Variants in TNKS observed in about 807,000 individuals in gnomAD.
TNKS encodes tankyrase.
Under a neutral mutation model 135.8 loss-of-function variants are expected in TNKS, and 72 were observed. The ratio of observed to expected loss-of-function variants is 0.53; its 90% CI spans 0.44 to 0.64. The LOEUF (loss-of-function observed/expected upper bound fraction) is 0.64. TNKS is among the 30% of genes least tolerant of loss of function. The probability of loss-of-function intolerance (pLI) is 0.00; values close to 1 mark genes in which losing one functional copy is unlikely to be tolerated. For synonymous variants in TNKS, 849 were observed against 649.3 expected (o/e 1.31, Z -4.68); for missense variants, 1,769 against 1,674.0 (o/e 1.06, Z -0.99).
At chr8:9,657,763 C>T (rs1801473787) in intron 3 of TNKS, among the ~76,000 whole-genome samples, 1 of 146,236 alleles carries the variant, frequency 6.8e-6, no homozygotes, top group African/African-American at 2.5e-5. Context: ...GACGGGGCGG[C>T]TGGCCGGGCA....
chr8:9,557,183 G>A (rs1000239454), intron 1 of TNKS: 1 of 154,178 alleles, frequency 6.5e-6, no homozygotes, highest in Non-Finnish European at 1.4e-5. Context: ...AGAATATTTG[G>A]ATGCATTATA....
intron 20 of TNKS, among the ~76,000 whole-genome samples, chr8:9,753,771 G>A (rs193049011): frequency 1.2e-4 from 19 of 152,308 alleles, no homozygotes; most frequent in Admixed American, 3.3e-4. Context: ...TGGGACAGGT[G>A]TAATAGAATG....
At chr8:9,584,091 G>GA (rs1327591842) in intron 2 of TNKS, among the ~76,000 whole-genome samples, 3 of 150,606 alleles carry the variant, frequency 2.0e-5, no homozygotes, top group Middle Eastern at 3.4e-3. Flanking sequence ...GTGAACCCGG[G>GA]ATGGGGAGCT....
chr8:9,751,060 G>C (rs377613898), intron 18 of TNKS, among the ~76,000 whole-genome samples: 13 of 132,794 alleles, frequency 9.8e-5, no homozygotes, highest in African/African-American at 3.5e-4. Context: ...AACCACATTC[G>C]GCGGGTAGGG....
At chr8:9,645,984 T>C (rs1800905291) in intron 3 of TNKS, among the ~76,000 whole-genome samples, 1 of 152,190 alleles carries the variant, frequency 6.6e-6, no homozygotes, top group Non-Finnish European at 1.5e-5. Flanking sequence ...TGCCCTACCC[T>C]CAACCCTTCT....
chr8:9,727,434 T>G (rs1000591001), intron 13 of TNKS, among the ~76,000 whole-genome samples: 1 of 152,184 alleles, frequency 6.6e-6, no homozygotes, highest in Non-Finnish European at 1.5e-5. Flanking sequence ...TTGGGGTTTG[T>G]TTTTTGTTGT....
chr8:9,700,668 A>C (rs139687341), intron 5 of TNKS, among the ~76,000 whole-genome samples: 2 of 149,932 alleles, frequency 1.3e-5, no homozygotes, highest in Non-Finnish European at 3.0e-5. Context: ...AAACTACTCT[A>C]TCTCTCACTA....
At chr8:9,679,239 T>C (rs1381809774) in intron 3 of TNKS, among the ~76,000 whole-genome samples, 3 of 152,226 alleles carry the variant, frequency 2.0e-5, no homozygotes, top group Non-Finnish European at 4.4e-5. Flanking sequence ...TTATTATATG[T>C]TAAAATTGGT....
intron 25 of TNKS, among the ~76,000 whole-genome samples, chr8:9,767,678 G>C (rs1012886998): frequency 6.6e-6 from 1 of 151,970 alleles, no homozygotes; most frequent in East Asian, 1.9e-4. Flanking sequence ...AGAAATTTTC[G>C]GCTGGGCATG....
chr8:9,759,529 G>GT (rs1172440230), intron 20 of TNKS, among the ~76,000 whole-genome samples: 1 of 152,036 alleles, frequency 6.6e-6, no homozygotes, highest in Non-Finnish European at 1.5e-5. Flanking sequence ...TTTGGTTTGG[G>GT]TTTTTTGTAT....
In TNKS at chr8:9,677,119, C is replaced by T. The variant is rs76141189; in HGVS notation, c.995-2832C>T. On this transcript the variant is annotated intron_variant, in intron 3 of 26. Transcript: ENST00000310430. ...TATGTTAGCTGTTCCTGGGAGCTAG[C>T]GTTTGAAAAATCGCTTCAGCTGTTT... Among the ~76,000 whole-genome samples, 10 of 152,220 alleles carry T rather than the reference C, an allele frequency of 6.6e-5. No individual in the cohort carries two copies. In the East Asian group the frequency reaches 1.7e-3, roughly 26 times the overall value.
intron 2 of TNKS, among the ~76,000 whole-genome samples, chr8:9,581,748 T>C (rs1407744302): frequency 6.6e-6 from 1 of 152,224 alleles, no homozygotes; most frequent in Non-Finnish European, 1.5e-5. Flanking sequence ...CAGTCTTCTG[T>C]TTTCCTGCCT....
At chr8:9,714,028 A>G (rs987218705) in intron 11 of TNKS, among the ~76,000 whole-genome samples, 1 of 152,196 alleles carries the variant, frequency 6.6e-6, no homozygotes, top group East Asian at 1.9e-4. Context: ...TGATGAATCA[A>G]TTTCTCAGGC....
intron 1 of TNKS, among the ~76,000 whole-genome samples, chr8:9,559,605 C>T (rs1280007673): frequency 3.9e-5 from 6 of 152,024 alleles, no homozygotes; most frequent in Non-Finnish European, 8.8e-5. Flanking sequence ...CCCATCCCTA[C>T]CCTCCACCCT....
At chr8:9,580,783 G>C (rs1798134937) in intron 2 of TNKS, among the ~76,000 whole-genome samples, 1 of 152,054 alleles carries the variant, frequency 6.6e-6, no homozygotes, top group Non-Finnish European at 1.5e-5. Flanking sequence ...TAGTATAGTA[G>C]TCCCCCCGCT....
At chr8:9,767,414 A>ATTCTT (rs1321838747) in intron 25 of TNKS, among the ~76,000 whole-genome samples, 1 of 152,216 alleles carries the variant, frequency 6.6e-6, no homozygotes, top group Non-Finnish European at 1.5e-5. Flanking sequence ...TACCAAATGC[A>ATTCTT]TTCTTTTTAA....
chr8:9,672,632 T>C (rs1802329154), intron 3 of TNKS, among the ~76,000 whole-genome samples: 1 of 144,472 alleles, frequency 6.9e-6, no homozygotes, highest in South Asian at 2.2e-4. Flanking sequence ...AATCACTTTT[T>C]ATGCAGCAGA....
At chr8:9,740,498 T>C (rs1333594048) in intron 17 of TNKS, among the ~76,000 whole-genome samples, 1 of 152,188 alleles carries the variant, frequency 6.6e-6, no homozygotes, top group African/African-American at 2.4e-5. Context: ...GACCTGTATT[T>C]CAGAGAGAGG....
chr8:9,671,953 A>G (rs900341775), intron 3 of TNKS, among the ~76,000 whole-genome samples: 13 of 152,186 alleles, frequency 8.5e-5, no homozygotes, highest in African/African-American at 3.1e-4. Flanking sequence ...GACCTGCTGT[A>G]TTCTGCCCAG....
Sources: allele counts gnomAD v4.1 joint callset (sites outside exome capture counted in the v4.1 genomes callset), GRCh38; gene constraint gnomAD v4.1.1; transcripts MANE v1.5; gene names NCBI Gene and HGNC (gene_info 2026-07-23, HGNC 2026-07-21).